BOC: variants seen among roughly 807,000 people sequenced by gnomAD.
BOC encodes the protein brother of CDO.
Under a neutral mutation model 112.0 loss-of-function variants are expected in BOC, and 76 were observed. The ratio of observed to expected loss-of-function variants is 0.68; its 90% confidence interval spans 0.56 to 0.82. BOC has a LOEUF of 0.82. Ranked by LOEUF, BOC falls within the 40% of genes least tolerant of loss-of-function variation. BOC has a pLI of 0.00. For missense variants in BOC, 1,309 were observed against 1,511.7 expected (o/e 0.87, Z 2.22); for synonymous variants, 580 against 599.8 (o/e 0.97, Z 0.48).
At chr3:113,257,855 T>C (rs995573738) in intron 4 of BOC, among the ~76,000 whole-genome samples, 2 of 152,226 alleles carry the variant, frequency 1.3e-5, no homozygotes, top group Non-Finnish European at 2.9e-5. Context: ...GCACTCATTC[T>C]CCAGTGCTGA....
intron 4 of BOC, chr3:113,261,637 T>G (rs529169742): frequency 1.3e-5 from 2 of 152,218 alleles, no homozygotes; most frequent in South Asian, 4.1e-4. Context: ...AAAAATGAAG[T>G]ATTTTTAATT....
rs746007747 is a variant in BOC at position 113,250,593 on chromosome 3, G to A, written c.136G>A (p.Val46Ile). Residue 46 changes from valine (V) to isoleucine (I), a missense_variant, in exon 4 of 20, where the codon GTC (valine) becomes ATC (isoleucine). Val to Ile is a conservative substitution (Grantham distance 29, BLOSUM62 3). Coordinates refer to ENST00000682979, the MANE Select transcript of BOC (RefSeq NM_001378074.1). The part of the protein sequence containing the change: ...PQVTVQPAST[V>I]QKPGGTVILG... ...GGTCACCGTCCAGCCTGCGTCCACCGTCCAGAAGCCCGGAGGCACTGTGAT... is the reference window on the plus strand; with the variant it reads ...GGTCACCGTCCAGCCTGCGTCCACCATCCAGAAGCCCGGAGGCACTGTGAT... 42 of 1,613,936 alleles carry A rather than the reference G, an allele frequency of 2.6e-5. No homozygotes were observed. The highest frequency in any genetic ancestry group is 1.5e-4 in the African/African-American group (11 of 74,898).
intron 16 of BOC, 53 bp from the exon 17 acceptor site, chr3:113,284,282 C>T: frequency 6.6e-7 from 1 of 1,510,550 alleles, no homozygotes; most frequent in Non-Finnish European, 9.2e-7. Flanking sequence ...GCTTTTCCAA[C>T]CCATCCCGGG....
At chr3:113,222,678 T>A (rs1318638112) in intron 2 of BOC, among the ~76,000 whole-genome samples, 1 of 152,036 alleles carries the variant, frequency 6.6e-6, no homozygotes. Flanking sequence ...TGCACAGCAC[T>A]GTGCTAGGCC....
intron 2 of BOC, among the ~76,000 whole-genome samples, chr3:113,242,123 A>C: frequency 7.3e-6 from 1 of 137,604 alleles, no homozygotes; most frequent in East Asian, 2.2e-4. Flanking sequence ...CTCCAAAAAC[A>C]AAAAAAAAAA....
At chr3:113,239,057 T>C (rs1391492610) in intron 2 of BOC, among the ~76,000 whole-genome samples, 2 of 152,232 alleles carry the variant, frequency 1.3e-5, no homozygotes, top group Non-Finnish European at 2.9e-5. Flanking sequence ...CTAGTCTAAA[T>C]TGAATGTGCA....
rs746607862 is a variant in BOC at position 113,283,533 on chromosome 3, G to A, written c.2557G>A (p.Asp853Asn). Reference sequence around the variant, plus strand: ...TGGGGCCATGGTGGCTCGCTCCAGCGACCTGCCCTATCTGATTGTCGGGGT... The same window carrying A: ...TGGGGCCATGGTGGCTCGCTCCAGCAACCTGCCCTATCTGATTGTCGGGGT... ...GTGAMVARSSDLPYLIVGVVL... is the reference protein window; with the variant it reads ...GTGAMVARSSNLPYLIVGVVL... The change falls in exon 16 of 20, where the codon GAC (aspartate) becomes AAC (asparagine). Residue 853 changes from aspartate to asparagine, a missense_variant. Coordinates refer to ENST00000682979, the MANE Select transcript of BOC (RefSeq NM_001378074.1). 1.4e-5 allele frequency: 22 copies of A among 1,613,814 alleles called. No homozygotes were observed. The East Asian group carries it at 4.0e-4, about 29-fold the overall frequency.
At chr3:113,282,704 C>T (rs976562331) in intron 15 of BOC, among the ~76,000 whole-genome samples, 41 of 151,842 alleles carry the variant, frequency 2.7e-4, no homozygotes, top group Admixed American at 2.0e-3. Flanking sequence ...ACGGGAGGAA[C>T]CAGGAAGGCC....
In BOC at chr3:113,285,541, G is replaced by A. The variant is rs1949597618; in HGVS notation, c.3136G>A (p.Val1046Met). The part of the protein sequence containing the change: ...RAPDSPVLEA[V>M]WDPPFHSGPP... ...CCCCGACAGTCCTGTCCTGGAAGCA[G>A]TGTGGGACCCTCCATTTCACTCAGG... The change falls in exon 19 of 20, where the codon GTG becomes ATG. Residue 1046 changes from valine (V) to methionine (M), a missense_variant. Transcript: ENST00000682979. 1 of 1,595,348 alleles carries A rather than the reference G, an allele frequency of 6.3e-7. No individual in the cohort carries two copies. The highest frequency in any genetic ancestry group is 1.7e-5 in the Admixed American group (1 of 58,108).
chr3:113,252,500 T>G (rs1945755556), intron 4 of BOC, among the ~76,000 whole-genome samples: 1 of 151,972 alleles, frequency 6.6e-6, no homozygotes, highest in Non-Finnish European at 1.5e-5. Context: ...GGGTGAAGCT[T>G]GAGTCCTGGG....
Position 113,278,611 on chromosome 3 carries a change from C to T in BOC, c.1706-62C>T. ...AGCAGAGTCTCAGGCAAAAAGGACT[C>T]TGTGGGAGGGAGATCTCATGCCTGC... On this transcript the variant is annotated intron_variant, in intron 10 of 19. Coordinates refer to ENST00000682979, the MANE Select transcript of BOC (RefSeq NM_001378074.1). This position sits in a 1 kb window ranked among gnomAD's most constrained non-coding sequence, Gnocchi z 4.2. 7.1e-7 allele frequency: 1 copy of T among 1,401,708 alleles called. No homozygotes were observed. Among genetic ancestry groups the T allele is most frequent in the East Asian group, 2.5e-5 (1 of 39,966 alleles). The allele number at this position is 1,401,708 out of a possible 1,614,324, so 86.8% of individuals were successfully genotyped here.
At chr3:113,280,775 C>A in intron 14 of BOC, 112 bp downstream of exon 14, 3 of 951,856 alleles carry the variant, frequency 3.2e-6, no homozygotes, top group South Asian at 1.4e-5. Flanking sequence ...TCTGGTGTGA[C>A]ACGAAGCTCT....
At chr3:113,219,344 G>T (rs1940116606) in intron 2 of BOC, among the ~76,000 whole-genome samples, 1 of 152,208 alleles carries the variant, frequency 6.6e-6, no homozygotes, top group Non-Finnish European at 1.5e-5. Flanking sequence ...GAATGTAACT[G>T]CCATTTAATG....
At chr3:113,264,203 G>A (rs1947201378) in intron 4 of BOC, among the ~76,000 whole-genome samples, 3 of 152,222 alleles carry the variant, frequency 2.0e-5, no homozygotes, top group South Asian at 2.1e-4. Flanking sequence ...GTTGGGAGCT[G>A]AGAAACAAAA....
At chr3:113,222,121 TTTTC>T (rs1940798042) in intron 2 of BOC, among the ~76,000 whole-genome samples, 1 of 152,210 alleles carries the variant, frequency 6.6e-6, no homozygotes, top group East Asian at 1.9e-4. Flanking sequence ...ACCTAATTTC[TTTTC>T]CTCCATGTTA....
At position 113,285,402 on chromosome 3, in the gene BOC, T is replaced by G; in HGVS notation, c.2997T>G (p.Ser999=). Residue 999 remains serine, a synonymous_variant, in exon 19 of 20, where the codon TCT becomes TCG. Coordinates refer to ENST00000682979, the MANE Select transcript of BOC (RefSeq NM_001378074.1). Reference sequence around the variant, plus strand: ...CCAAGTCTAGCCCGGACGAGGGCTCTTTCTTATACACACTGCCCGACGACT... The same window carrying G: ...CCAAGTCTAGCCCGGACGAGGGCTCGTTCTTATACACACTGCCCGACGACT... The part of the protein sequence containing the change: ...RGPKSSPDEG[S]FLYTLPDDST... 1 of 1,613,538 alleles carries G rather than the reference T, an allele frequency of 6.2e-7. No homozygotes were observed.
chr3:113,219,158 C>T (rs1258758487), intron 2 of BOC, among the ~76,000 whole-genome samples: 3 of 152,216 alleles, frequency 2.0e-5, no homozygotes, highest in Non-Finnish European at 4.4e-5. Flanking sequence ...TACCCTTCAT[C>T]GTGTGAGGGA....
At chr3:113,224,275 T>G (rs1026218234) in intron 2 of BOC, among the ~76,000 whole-genome samples, 1 of 152,182 alleles carries the variant, frequency 6.6e-6, no homozygotes, top group South Asian at 2.1e-4. Flanking sequence ...TTGAGGGACC[T>G]GTTTTGTGGT....
At chr3:113,269,304 A>G (rs573858111) in intron 5 of BOC, 1 of 152,346 alleles carries the variant, frequency 6.6e-6, no homozygotes, top group East Asian at 1.9e-4. Flanking sequence ...GGAAGCCAAG[A>G]CTTGGTCCAC....
Sources: allele counts gnomAD v4.1 joint callset (sites outside exome capture counted in the v4.1 genomes callset), GRCh38; gene constraint gnomAD v4.1.1; non-coding constraint Gnocchi (gnomAD v3.1); transcripts MANE v1.5; gene names NCBI Gene and HGNC (gene_info 2026-07-23, HGNC 2026-07-21).